HECW1: variants seen among roughly 807,000 people sequenced by gnomAD.
HECW1 encodes the protein E3 ubiquitin-protein ligase HECW1.
A neutral mutation model predicts 182.3 loss-of-function variants in HECW1; 61 were observed. The observed-to-expected ratio is 0.33, with a 90% CI of 0.27 to 0.41. The LOEUF (loss-of-function observed/expected upper bound fraction) is 0.41. Among genes scored for constraint, HECW1 ranks in the 10% least tolerant of loss-of-function variants. The pLI, the probability that HECW1 is intolerant of heterozygous loss-of-function variation, is 1.00. For synonymous variants in HECW1, 859 were observed against 832.6 expected (o/e 1.03, Z -0.55); for missense variants, 1,739 against 2,108.9 (o/e 0.82, Z 3.44).
chr7:43,466,562 C>A lies in HECW1; in HGVS notation c.2907C>A (p.Ala969=), dbSNP rs2152897136. 1 of 1,612,704 alleles carries A rather than the reference C, an allele frequency of 6.2e-7. No homozygotes were observed. The change falls in exon 15 of 30, where the codon GCC becomes GCA. Residue 969 remains alanine, a synonymous_variant. Coordinates refer to ENST00000395891, the MANE Select transcript of HECW1 (RefSeq NM_015052.5). ...CCGAGTTCTTCACTGTGCTACATGC[C>A]AATTATGTGAGTGCCCTAAAATGCA... is the stretch of plus-strand genomic sequence containing the variant. ...TNPEFFTVLH[A]NYSAYRVFTS...
At chr7:43,180,875 T>G (rs1792785324) in intron 2 of HECW1, among the ~76,000 whole-genome samples, 2 of 152,168 alleles carry the variant, frequency 1.3e-5, no homozygotes, top group Admixed American at 6.5e-5. Flanking sequence ...TTGTAACTAT[T>G]TTGAAATATG....
intron 29 of HECW1, 41 bp from the exon 30 acceptor site, chr7:43,561,774 A>G (rs1306302470): frequency 7.3e-7 from 1 of 1,361,788 alleles, no homozygotes. Context: ...CAGTTGTATC[A>G]TTGAAACAAA....
chr7:43,465,938 G>A (rs1160465646), intron 14 of HECW1, among the ~76,000 whole-genome samples: 1 of 142,680 alleles, frequency 7.0e-6, no homozygotes, highest in Non-Finnish European at 1.5e-5. Context: ...AAGAAAGGAA[G>A]AAAGGAAGAA....
chr7:43,453,866 A>G (rs1173109552), intron 12 of HECW1, among the ~76,000 whole-genome samples: 2 of 152,222 alleles, frequency 1.3e-5, no homozygotes, highest in Non-Finnish European at 2.9e-5. Flanking sequence ...CTGAAGTTCC[A>G]TTTCAAATTT....
chr7:43,322,328 G>A (rs1372017095), intron 5 of HECW1, among the ~76,000 whole-genome samples: 1 of 152,126 alleles, frequency 6.6e-6, no homozygotes, highest in African/African-American at 2.4e-5. Context: ...CCAAAGTGCT[G>A]GGATTACAGG....
At chr7:43,276,203 T>C (rs1803123074) in intron 3 of HECW1, among the ~76,000 whole-genome samples, 2 of 152,312 alleles carry the variant, frequency 1.3e-5, no homozygotes, top group Non-Finnish European at 1.5e-5. Context: ...CAGTTTATTT[T>C]GGATCAATCT....
chr7:43,325,924 C>T (rs1007485106), intron 5 of HECW1, among the ~76,000 whole-genome samples: 1 of 152,212 alleles, frequency 6.6e-6, no homozygotes, highest in African/African-American at 2.4e-5. Flanking sequence ...ATTTTAAAAT[C>T]CTTTTCCATC....
At chr7:43,373,373 G>A (rs1043270980) in intron 6 of HECW1, among the ~76,000 whole-genome samples, 4 of 151,828 alleles carry the variant, frequency 2.6e-5, no homozygotes, top group Non-Finnish European at 4.4e-5. Flanking sequence ...GGCCAGGCTC[G>A]TCTCAAACTC....
chr7:43,285,264 G>A (rs1219177092), intron 3 of HECW1, among the ~76,000 whole-genome samples: 1 of 152,148 alleles, frequency 6.6e-6, no homozygotes, highest in Non-Finnish European at 1.5e-5. Context: ...GTGGAGCTCT[G>A]AAAAACCGTG....
chr7:43,543,413 CT>C (rs1169517122), intron 26 of HECW1, among the ~76,000 whole-genome samples: 1 of 152,170 alleles, frequency 6.6e-6, no homozygotes, highest in Non-Finnish European at 1.5e-5. Flanking sequence ...CTGAAGAATG[CT>C]GTCTTACGTA....
intron 24 of HECW1, among the ~76,000 whole-genome samples, chr7:43,535,920 G>C (rs1274445362): frequency 6.6e-6 from 1 of 152,174 alleles, no homozygotes; most frequent in Non-Finnish European, 1.5e-5. Context: ...GAGGGAAGGG[G>C]TTGATGATAC....
At chr7:43,248,111 A>T (rs1799623782) in intron 3 of HECW1, among the ~76,000 whole-genome samples, 1 of 151,938 alleles carries the variant, frequency 6.6e-6, no homozygotes, top group African/African-American at 2.4e-5. Flanking sequence ...AGAGAAAGAC[A>T]AAGGAGAGGA....
chr7:43,470,396 G>A (rs1038015703), intron 16 of HECW1, among the ~76,000 whole-genome samples: 3 of 152,164 alleles, frequency 2.0e-5, no homozygotes, highest in African/African-American at 7.2e-5. Flanking sequence ...ACAGTTTGCC[G>A]AGCCTTGGAT....
At chr7:43,158,587 C>G (rs1474709850) in intron 2 of HECW1, among the ~76,000 whole-genome samples, 1 of 152,074 alleles carries the variant, frequency 6.6e-6, no homozygotes, top group Non-Finnish European at 1.5e-5. Flanking sequence ...ATTTCATGAA[C>G]ACCTTTCATG....
intron 3 of HECW1, among the ~76,000 whole-genome samples, chr7:43,245,063 G>T (rs924787171): frequency 1.3e-5 from 2 of 152,238 alleles, no homozygotes; most frequent in African/African-American, 4.8e-5. Flanking sequence ...TAAAGAATGA[G>T]CATAGCATGT....
chr7:43,196,102 T>A (rs192533316), intron 2 of HECW1, among the ~76,000 whole-genome samples: 353 of 152,320 alleles, frequency 2.3e-3, no homozygotes, highest in African/African-American at 8.1e-3. Flanking sequence ...TTGCTAGTCA[T>A]GTGAAACTGC....
At chr7:43,121,536 T>A (rs1301114230) in intron 2 of HECW1, among the ~76,000 whole-genome samples, 1 of 152,156 alleles carries the variant, frequency 6.6e-6, no homozygotes, top group Non-Finnish European at 1.5e-5. Context: ...TACAGTGATA[T>A]GTAAACATAT....
At chr7:43,291,126 T>C (rs1044662764) in intron 3 of HECW1, among the ~76,000 whole-genome samples, 2 of 152,258 alleles carry the variant, frequency 1.3e-5, no homozygotes, top group African/African-American at 4.8e-5. Flanking sequence ...TCCGTGGTGC[T>C]GCAAAGAAAT....
chr7:43,469,197 A>G, intron 16 of HECW1, 92 bp downstream of exon 16: 1 of 1,339,450 alleles, frequency 7.5e-7, no homozygotes, highest in African/African-American at 1.4e-5. Flanking sequence ...TGTGGGGAGG[A>G]GTTATGTCTG....
Sources: gnomAD v4.1 joint callset for allele counts (sites outside exome capture counted in the v4.1 genomes callset) on GRCh38, gnomAD v4.1.1 for gene constraint, MANE v1.5 for transcripts, NCBI Gene and HGNC (gene_info 2026-07-23, HGNC 2026-07-21) for gene names.